SRRM3: variants seen among roughly 807,000 people sequenced by gnomAD.
SRRM3 encodes the protein serine/arginine repetitive matrix 3.
In SRRM3, 27 loss-of-function variants were observed where a neutral mutation model predicts 66.2. The observed-to-expected ratio is 0.41, with a 90% CI of 0.30 to 0.56. SRRM3 has a LOEUF of 0.56. SRRM3 is among the 20% of genes least tolerant of loss of function. The pLI, the probability that SRRM3 is intolerant of heterozygous loss-of-function variation, is 0.32. For missense variants in SRRM3, 918 were observed against 991.9 expected (o/e 0.93, Z 1.00); for synonymous variants, 391 against 414.9 (o/e 0.94, Z 0.70).
chr7:76,238,202 G>A (rs1374578829), intron 2 of SRRM3, among the ~76,000 whole-genome samples: 1 of 152,142 alleles, frequency 6.6e-6, no homozygotes, highest in Non-Finnish European at 1.5e-5. Flanking sequence ...TGGAAAATAG[G>A]GGCACCTGTG....
intron 14 of SRRM3, chr7:76,283,897 TG>T: frequency 4.2e-6 from 4 of 956,354 alleles, no homozygotes; most frequent in Non-Finnish European, 5.0e-6. Flanking sequence ...GGCAGGGGGT[TG>T]GGGGGAACAC....
At chr7:76,233,361 T>C (rs912248903) in intron 1 of SRRM3, among the ~76,000 whole-genome samples, 1 of 152,090 alleles carries the variant, frequency 6.6e-6, no homozygotes, top group Non-Finnish European at 1.5e-5. Flanking sequence ...TGATGACAGG[T>C]GAACTGTTGT....
At chr7:76,245,061 T>C (rs980225327) in intron 2 of SRRM3, among the ~76,000 whole-genome samples, 5 of 152,240 alleles carry the variant, frequency 3.3e-5, no homozygotes, top group Non-Finnish European at 7.3e-5. Flanking sequence ...TGGGTTGCTA[T>C]GGACATGCAA....
At chr7:76,203,634 C>T (rs2116916466) in intron 1 of SRRM3, among the ~76,000 whole-genome samples, 1 of 152,326 alleles carries the variant, frequency 6.6e-6, no homozygotes, top group Middle Eastern at 3.4e-3. Flanking sequence ...TCATGCCCAG[C>T]TCCATGCTGG....
chr7:76,206,248 G>A (rs868963976), intron 1 of SRRM3, among the ~76,000 whole-genome samples: 3 of 152,210 alleles, frequency 2.0e-5, no homozygotes, highest in Non-Finnish European at 4.4e-5. Context: ...TGTGGCGTGA[G>A]CCACCACATC....
At chr7:76,257,001 G>A (rs1178796400) in intron 3 of SRRM3, among the ~76,000 whole-genome samples, 2 of 152,068 alleles carry the variant, frequency 1.3e-5, no homozygotes, top group African/African-American at 2.4e-5. Context: ...TGAGCCACCC[G>A]CCAGGCCCTT....
chr7:76,233,061 G>A (rs887233364), intron 1 of SRRM3, among the ~76,000 whole-genome samples: 1 of 152,142 alleles, frequency 6.6e-6, no homozygotes, highest in Non-Finnish European at 1.5e-5. Flanking sequence ...TCAGTACTTT[G>A]GGAGGCCAAA....
rs1801971269 is a variant in SRRM3, at chr7:76,264,960, G to C, written c.725+145G>C. On this transcript the variant is annotated intron_variant, in intron 9 of 14. Transcript: ENST00000611745. ...AATTAAGATCTAGAAAGAAAGCCAA[G>C]GGCTCTTGCTGAGTCAGAGCTTGAA... 3.1e-6 allele frequency: 3 copies of C among 958,088 alleles called. No homozygotes were observed. In the African/African-American group the frequency reaches 5.0e-5, roughly 16 times the overall value. The allele number at this position is 958,088 out of a possible 1,614,324, so 59.3% of individuals were successfully genotyped here.
At chr7:76,232,339 G>A (rs868935009) in intron 1 of SRRM3, among the ~76,000 whole-genome samples, 20 of 152,078 alleles carry the variant, frequency 1.3e-4, no homozygotes, top group African/African-American at 4.1e-4. Context: ...GCCTGGCCAC[G>A]AGGAGGGCAG....
chr7:76,216,065 C>A (rs1279260703), intron 1 of SRRM3, among the ~76,000 whole-genome samples: 3 of 151,930 alleles, frequency 2.0e-5, no homozygotes, highest in African/African-American at 7.3e-5. Context: ...CCTTGGCCTC[C>A]CAAAGTGCTG....
At chr7:76,219,894 A>C (rs1450657177) in intron 1 of SRRM3, among the ~76,000 whole-genome samples, 2 of 152,114 alleles carry the variant, frequency 1.3e-5, no homozygotes, top group Non-Finnish European at 2.9e-5. Flanking sequence ...TGGACAACAC[A>C]GCGAGATACT....
chr7:76,261,238 G>A, intron 6 of SRRM3, 114 bp from the exon 7 acceptor site: 1 of 834,102 alleles, frequency 1.2e-6, no homozygotes, highest in Non-Finnish European at 1.9e-6. Flanking sequence ...TGGGCTTCCT[G>A]GCCTGGAATT....
intron 1 of SRRM3, among the ~76,000 whole-genome samples, chr7:76,204,212 C>G (rs900201658): frequency 5.3e-5 from 8 of 152,264 alleles, no homozygotes; most frequent in Admixed American, 3.3e-4. Flanking sequence ...CCTGACTTTT[C>G]TCCCTCCTCT....
chr7:76,250,204 C>T (rs1404565024), intron 3 of SRRM3, among the ~76,000 whole-genome samples: 2 of 151,302 alleles, frequency 1.3e-5, no homozygotes, highest in Non-Finnish European at 1.5e-5. Flanking sequence ...CCACCATGGC[C>T]CAGCTAATTT....
chr7:76,286,963 G>A lies in SRRM3; in HGVS notation c.*1120G>A, dbSNP rs1554612921. Reference sequence around the variant, plus strand: ...AGGGAGTACCTTGGGGGTCTGATGGGGTCATGGCCAGCCGAGCCTCTGTAG... The same window carrying A: ...AGGGAGTACCTTGGGGGTCTGATGGAGTCATGGCCAGCCGAGCCTCTGTAG... On this transcript the variant is annotated 3_prime_UTR_variant, in exon 15 of 15. Transcript: ENST00000611745. The A allele has an allele frequency of 6.5e-6, 1 of 152,802 alleles. No homozygotes were observed. Among genetic ancestry groups the A allele is most frequent in the East Asian group, 1.9e-4 (1 of 5,178 alleles). The allele number at this position is 152,802 out of a possible 1,614,324, so 9.5% of individuals were successfully genotyped here. A position where few individuals can be genotyped will look rare whatever the true frequency, so the allele number is the denominator to read the frequency against.
In SRRM3 at chr7:76,282,977, G is replaced by A; in HGVS notation, c.1609G>A (p.Glu537Lys). The A allele has an allele frequency of 7.1e-7, 1 of 1,408,416 alleles. No individual in the cohort carries two copies. The highest frequency in any genetic ancestry group is 3.1e-5 in the Admixed American group (1 of 31,938). The allele number at this position is 1,408,416 out of a possible 1,614,324, so 87.2% of individuals were successfully genotyped here. ...CCGGCCCCGCAGGGACAAGGACGGC[G>A]AGGGCCGCGCAAGGCACTCTGAGGC... ...KKPLSRDKDG[E>K]GRARHSEAEA... Residue 537 changes from glutamate (E) to lysine (K), a missense_variant, in exon 14 of 15, where the codon GAG (glutamate) becomes AAG (lysine). By Grantham distance (56) the Glu-to-Lys change is moderately conservative. Coordinates refer to ENST00000611745, the MANE Select transcript of SRRM3 (RefSeq NM_001110199.3).
chr7:76,275,021 G>A (rs922692358), intron 11 of SRRM3, among the ~76,000 whole-genome samples: 3 of 151,238 alleles, frequency 2.0e-5, no homozygotes, highest in Non-Finnish European at 4.4e-5. Flanking sequence ...CAGGAGGATC[G>A]CTTGAACCCG....
chr7:76,281,254 G>GTC (rs1199799161), intron 11 of SRRM3, among the ~76,000 whole-genome samples, 187 bp from the exon 12 acceptor site: 1 of 144,874 alleles, frequency 6.9e-6, no homozygotes, highest in Non-Finnish European at 1.5e-5. Context: ...CTCTTTTTCT[G>GTC]TCTCTCTGTC....
At chr7:76,283,141 G>C (rs1443751874) in intron 14 of SRRM3, 40 bp downstream of exon 14, 2 of 1,371,374 alleles carry the variant, frequency 1.5e-6, no homozygotes, top group Non-Finnish European at 1.9e-6. Flanking sequence ...GCAGGGCTGG[G>C]GCCGCTGACC....
Sources: gnomAD v4.1 joint callset for allele counts (sites outside exome capture counted in the v4.1 genomes callset) on GRCh38, gnomAD v4.1.1 for gene constraint, MANE v1.5 for transcripts, NCBI Gene and HGNC (gene_info 2026-07-23, HGNC 2026-07-21) for gene names.